The following CFI variants were observed in gnomAD, a reference collection of about 807,000 sequenced individuals.
CFI encodes C3B/C4B inactivator.
CFI carries 66 observed loss-of-function variants against 78.8 expected under a neutral mutation model. The observed-to-expected ratio is 0.84, with a 90% CI of 0.69 to 1.03. CFI has a LOEUF of 1.03. Among genes scored for constraint, CFI ranks in the 50% least tolerant of loss-of-function variants. The pLI, the probability that CFI is intolerant of heterozygous loss-of-function variation, is 0.00. For missense variants in CFI, 706 were observed against 704.5 expected, an observed-to-expected ratio of 1.00 and a Z score of -0.02; for synonymous variants, 250 against 232.6, an observed-to-expected ratio of 1.07 and a Z score of -0.68.
intron 4 of CFI, 93 bp downstream of exon 4, chr4:109,761,424 G>C: frequency 8.2e-7 from 1 of 1,213,100 alleles, no homozygotes; most frequent in African/African-American, 1.5e-5. Flanking sequence ...TCTGTGACTG[G>C]CAACGAGGCA....
chr4:109,791,780 A>G (rs1731415268), intron 1 of CFI, among the ~76,000 whole-genome samples: 2 of 152,020 alleles, frequency 1.3e-5, no homozygotes, highest in South Asian at 2.1e-4. Context: ...TGGGTCCTCT[A>G]TTCTTTTTTA....
At position 109,778,244 on chromosome 4, in the gene CFI, A is replaced by G. The variant is rs183322758; in HGVS notation, c.58-11420T>C. The stretch of plus-strand genomic sequence containing the variant: ...AATTGCTAGACTGCTAGCAAGACTA[A>G]TAAAGAAGAAAAGAGAAGAATCAAA... On this transcript the variant is annotated intron_variant, in intron 1 of 12. Transcript: ENST00000394634. Among the ~76,000 whole-genome samples the G allele has an allele frequency of 7.4e-3, 1,128 of 152,330 alleles. 13 individuals carry two copies. The highest frequency in any genetic ancestry group is 0.017 in the Middle Eastern group (5 of 294).
intron 6 of CFI, 80 bp downstream of exon 6, chr4:109,760,190 G>T: frequency 1.0e-6 from 1 of 952,790 alleles, no homozygotes; most frequent in South Asian, 1.3e-5. Flanking sequence ...TTCCCCTTAA[G>T]ATTATACTTT....
chr4:109,780,633 C>T (rs1287696727), intron 1 of CFI, among the ~76,000 whole-genome samples: 1 of 152,176 alleles, frequency 6.6e-6, no homozygotes, highest in Non-Finnish European at 1.5e-5. Flanking sequence ...TTGACCCAGC[C>T]ATCCCATTAC....
the CFI span, among the ~76,000 whole-genome samples, chr4:109,731,632 C>T: frequency 6.6e-6 from 1 of 152,122 alleles, no homozygotes; most frequent in South Asian, 2.1e-4. Context: ...ACAGGGTAGC[C>T]CAACAAACGG....
chr4:109,739,294 AG>A (rs200998689), downstream of CFI, among the ~76,000 whole-genome samples: 531 of 150,368 alleles, frequency 3.5e-3, 8 homozygotes, highest in East Asian at 0.011. Flanking sequence ...AAAAAAAAAG[AG>A]TAGCTAATGT....
At chr4:109,775,036 A>G (rs1372975418) in intron 1 of CFI, among the ~76,000 whole-genome samples, 1 of 152,048 alleles carries the variant, frequency 6.6e-6, no homozygotes, top group South Asian at 2.1e-4. Flanking sequence ...TAAATTTCCA[A>G]CTTGAGGAGG....
At chr4:109,746,643 A>C (rs1266070634) in intron 10 of CFI, 141 bp from the exon 11 acceptor site, 9 of 691,812 alleles carry the variant, frequency 1.3e-5, no homozygotes, top group Non-Finnish European at 2.1e-5. Flanking sequence ...GTCATGAAGC[A>C]ATGAGATTAA....
chr4:109,764,502 C>T, intron 3 of CFI, 35 bp downstream of exon 3: 5 of 1,612,216 alleles, frequency 3.1e-6, no homozygotes, highest in Non-Finnish European at 4.2e-6. Context: ...ACAATTAAAT[C>T]AGCCATGAGA....
chr4:109,799,432 C>A (rs7675460), intron 1 of CFI, among the ~76,000 whole-genome samples: 72,491 of 151,968 alleles, frequency 0.48, 18,295 homozygotes, highest in African/African-American at 0.62. Context: ...GCTAGGGAAC[C>A]GGGTCCCTCC....
chr4:109,773,677 G>A (rs922133137), intron 1 of CFI, among the ~76,000 whole-genome samples: 5 of 152,150 alleles, frequency 3.3e-5, no homozygotes, highest in Non-Finnish European at 7.4e-5. Context: ...TCTGTGGGTG[G>A]GAGGTATGTT....
chr4:109,798,259 T>C (rs1015451443), intron 1 of CFI, among the ~76,000 whole-genome samples: 2 of 152,216 alleles, frequency 1.3e-5, no homozygotes, highest in Non-Finnish European at 2.9e-5. Context: ...TAGTGCCTAT[T>C]GTTCATAATA....
At chr4:109,741,437 C>T in intron 12 of CFI, 2 of 753,236 alleles carry the variant, frequency 2.7e-6, no homozygotes, top group Non-Finnish European at 3.2e-6. Context: ...CTAGTGCTTA[C>T]TGAGTGCTAA....
chr4:109,733,165 GT>G, the CFI span, among the ~76,000 whole-genome samples: 5 of 152,018 alleles, frequency 3.3e-5, no homozygotes, highest in Admixed American at 6.5e-5. Context: ...TAGCAATGGG[GT>G]TTCACCAAGT....
chr4:109,761,671 C>T lies in CFI; in HGVS notation c.504G>A (p.Arg168=). The T allele has an allele frequency of 1.2e-6, 2 of 1,612,826 alleles. No homozygotes were observed. Among genetic ancestry groups the T allele is most frequent in the African/African-American group, 2.7e-5 (2 of 75,006 alleles). Residue 168 remains arginine (R), a synonymous_variant, in exon 4 of 13, where the codon AGG becomes AGA. Transcript: ENST00000394634. Reference sequence around the variant, plus strand: ...TTATAGAGAGATCAGACAACTTAAACCTTCTTTGAGTATCAGCACCTCTGC... The same window carrying T: ...TTATAGAGAGATCAGACAACTTAAATCTTCTTTGAGTATCAGCACCTCTGC... ...GFQQGADTQR[R]FKLSDLSINS...
downstream of CFI, among the ~76,000 whole-genome samples, chr4:109,735,994 T>C (rs1200082192): frequency 5.9e-5 from 9 of 152,234 alleles, no homozygotes; most frequent in Admixed American, 5.9e-4. Flanking sequence ...GGTTTTCCTT[T>C]AGTGCCTAGC....
chr4:109,796,899 A>AT (rs1442436482), intron 1 of CFI, among the ~76,000 whole-genome samples: 1 of 152,248 alleles, frequency 6.6e-6, no homozygotes, highest in African/African-American at 2.4e-5. Flanking sequence ...TGAAGACTGT[A>AT]AAACACTGAT....
intron 1 of CFI, among the ~76,000 whole-genome samples, chr4:109,791,384 C>T (rs567739544): frequency 2.0e-5 from 3 of 151,706 alleles, no homozygotes; most frequent in South Asian, 4.2e-4. Flanking sequence ...TTCTCCCATC[C>T]GTAGGGTGTC....
rs1028261861 is a variant in CFI, at chr4:109,760,144, G to A, written c.883+126C>T. 4.1e-6 allele frequency: 3 copies of A among 728,276 alleles called. No homozygotes were observed. In the African/African-American group the frequency reaches 5.2e-5, roughly 13 times the overall value. The allele number at this position is 728,276 out of a possible 1,614,324, so 45.1% of individuals were successfully genotyped here. On this transcript the variant is annotated intron_variant, in intron 6 of 12. Transcript: ENST00000394634. ...ATGAACATTCCATAGTTCTGCAAATGCCCACTCAGTGTTCTTACTGCTACA... is the reference window on the plus strand; with the variant it reads ...ATGAACATTCCATAGTTCTGCAAATACCCACTCAGTGTTCTTACTGCTACA...
Sources: gnomAD v4.1 joint callset for allele counts (sites outside exome capture counted in the v4.1 genomes callset) on GRCh38, gnomAD v4.1.1 for gene constraint, MANE v1.5 for transcripts, NCBI Gene and HGNC (gene_info 2026-07-23, HGNC 2026-07-21) for gene names.